TRIO: variants seen among roughly 807,000 people sequenced by gnomAD.
TRIO encodes the protein triple functional domain protein.
In TRIO, 58 loss-of-function variants were observed where a neutral mutation model predicts 351.9. The ratio of observed to expected loss-of-function variants is 0.16; its 90% CI spans 0.13 to 0.21. The LOEUF (loss-of-function observed/expected upper bound fraction) is 0.21. TRIO is among the 10% of genes least tolerant of loss of function. The probability of loss-of-function intolerance (pLI) is 1.00; values close to 1 mark genes in which losing one functional copy is unlikely to be tolerated. For missense variants in TRIO, 3,201 were observed against 4,027.8 expected (o/e 0.79, Z 5.56); for synonymous variants, 1,758 against 1,595.7 (o/e 1.10, Z -2.42).
At chr5:14,247,750 A>G (rs1794517213) in intron 1 of TRIO, among the ~76,000 whole-genome samples, 2 of 152,194 alleles carry the variant, frequency 1.3e-5, no homozygotes, top group South Asian at 2.1e-4. Flanking sequence ...TATAAATTAA[A>G]TATAGAGAGG....
At chr5:14,466,891 C>T (rs1754300416) in intron 37 of TRIO, among the ~76,000 whole-genome samples, 1 of 152,180 alleles carries the variant, frequency 6.6e-6, no homozygotes, top group Non-Finnish European at 1.5e-5. Flanking sequence ...GTATAGTATT[C>T]CTCTACATGG....
intron 1 of TRIO, among the ~76,000 whole-genome samples, chr5:14,159,364 T>C (rs1788294728): frequency 6.6e-6 from 1 of 151,356 alleles, no homozygotes; most frequent in South Asian, 2.1e-4. Flanking sequence ...TCCCTGTAGA[T>C]TGTTTCAGTC....
intron 38 of TRIO, among the ~76,000 whole-genome samples, 199 bp downstream of exon 38, chr5:14,471,665 TTTGTA>T (rs1448736204): frequency 1.3e-5 from 2 of 152,200 alleles, no homozygotes; most frequent in African/African-American, 4.8e-5. Context: ...TCTTGTTTTA[TTTGTA>T]TATGATACTT....
At chr5:14,452,207 T>G (rs747459874) in intron 34 of TRIO, among the ~76,000 whole-genome samples, 2 of 152,230 alleles carry the variant, frequency 1.3e-5, no homozygotes, top group Non-Finnish European at 2.9e-5. Flanking sequence ...GCCCCAGCTC[T>G]TCTTCCCACT....
intron 47 of TRIO, 48 bp from the exon 48 acceptor site, chr5:14,487,416 T>G: frequency 9.2e-7 from 1 of 1,090,658 alleles, no homozygotes; most frequent in Non-Finnish European, 1.1e-6. Flanking sequence ...CCCCGCGGCG[T>G]GCTCCTTGGC....
rs151138656 is a variant in TRIO, at chr5:14,366,985, G to A, written c.2874+6G>A. ...AGTTCCAGCATGCCATTGAGGTAAG[G>A]GCGCTGGGCCTGCCTGTGTGTTGGC... On this transcript the variant is annotated splice_donor_region_variant and intron_variant, in intron 16 of 56. Transcript: ENST00000344204. 203 of 1,614,026 alleles carry A rather than the reference G, an allele frequency of 1.3e-4. 2 individuals carry two copies. In the African/African-American group the frequency reaches 2.2e-3, roughly 18 times the overall value.
At chr5:14,290,456 C>T (rs1027698777) in intron 4 of TRIO, among the ~76,000 whole-genome samples, 1 of 152,186 alleles carries the variant, frequency 6.6e-6, no homozygotes, top group African/African-American at 2.4e-5. Context: ...TTCTTTAGCT[C>T]TCATGAAATA....
Position 14,358,280 on chromosome 5 carries a change from C to G in TRIO, c.2149C>G (p.Gln717Glu), listed in dbSNP as rs1743822462. 1 of 1,614,192 alleles carries G rather than the reference C, an allele frequency of 6.2e-7. No homozygotes were observed. Among genetic ancestry groups the G allele is most frequent in the Admixed American group, 1.7e-5 (1 of 60,026 alleles). ...CCTCATCAAGCGCTTTGGCCAGCAG[C>G]AGCAGACCACCCTGCAGGTGACTGT... is the stretch of plus-strand genomic sequence containing the variant. ...QDLIKRFGQQ[Q>E]QTTLQVTVNV... Residue 717 changes from glutamine to glutamate, a missense_variant, in exon 12 of 57, where the codon CAG becomes GAG. Transcript: ENST00000344204.
In TRIO at chr5:14,508,508, T is replaced by G; in HGVS notation, c.*86T>G. 6.9e-7 allele frequency: 1 copy of G among 1,459,792 alleles called. No individual in the cohort carries two copies. Among genetic ancestry groups the G allele is most frequent in the East Asian group, 2.3e-5 (1 of 43,888 alleles). The allele number at this position is 1,459,792 out of a possible 1,614,324, so 90.4% of individuals were successfully genotyped here. On this transcript the variant is annotated 3_prime_UTR_variant, in exon 57 of 57. Coordinates refer to ENST00000344204, the MANE Select transcript of TRIO (RefSeq NM_007118.4). The stretch of plus-strand genomic sequence containing the variant: ...TCAAGAGAAAACAAGCAAACATAAC[T>G]GATCAGCTGCCGGTATGTTCATCGT...
chr5:14,284,528 C>T (rs541270433), intron 3 of TRIO, among the ~76,000 whole-genome samples: 2 of 152,138 alleles, frequency 1.3e-5, no homozygotes, highest in African/African-American at 2.4e-5. Context: ...CAGAGGAAGG[C>T]GAATAGTTAA....
intron 1 of TRIO, among the ~76,000 whole-genome samples, chr5:14,207,389 TACACACACACACACACAC>T (rs70964544): frequency 8.5e-5 from 1 of 11,724 alleles, no homozygotes; most frequent in Admixed American, 1.1e-3. Flanking sequence ...CAAGACTGTC[TACACACACACACACACAC>T]ACACACACAC....
At chr5:14,219,935 TAA>T (rs1472069712) in intron 1 of TRIO, among the ~76,000 whole-genome samples, 8 of 150,638 alleles carry the variant, frequency 5.3e-5, no homozygotes, top group Non-Finnish European at 8.9e-5. Flanking sequence ...TGTGAGTCTC[TAA>T]AGTCAGTATA....
At chr5:14,176,516 C>T (rs1789416873) in intron 1 of TRIO, among the ~76,000 whole-genome samples, 1 of 152,076 alleles carries the variant, frequency 6.6e-6, no homozygotes, top group African/African-American at 2.4e-5. Context: ...GCTGGAGGCA[C>T]AGTCACTGCT....
intron 34 of TRIO, among the ~76,000 whole-genome samples, chr5:14,431,175 G>T (rs964817730): frequency 6.6e-6 from 1 of 152,168 alleles, no homozygotes; most frequent in African/African-American, 2.4e-5. Flanking sequence ...ACATCCTCAC[G>T]CCCCTTTCTG....
At chr5:14,234,058 G>A (rs1433797153) in intron 1 of TRIO, among the ~76,000 whole-genome samples, 9 of 152,156 alleles carry the variant, frequency 5.9e-5, no homozygotes, top group Non-Finnish European at 2.9e-5. Flanking sequence ...GGCCTCCCAA[G>A]GTGCTGAGAT....
At position 14,297,213 on chromosome 5, in the gene TRIO, C is replaced by T. The variant is rs1401791837; in HGVS notation, c.1318C>T (p.Arg440Trp). Residue 440 changes from arginine (R) to tryptophan (W), a missense_variant, in exon 7 of 57, where the codon CGG becomes TGG. Transcript: ENST00000344204. The part of the protein sequence containing the change: ...WKAFAAALDE[R>W]STLLDMSSIF... ...GGCGTTTGCGGCAGCCCTGGATGAG[C>T]GGAGCACCTTGCTGGACATGTCCTC... 4 of 1,614,036 alleles carry T rather than the reference C, an allele frequency of 2.5e-6. No individual in the cohort carries two copies. Among genetic ancestry groups the T allele is most frequent in the African/African-American group, 1.3e-5 (1 of 74,922 alleles).
intron 8 of TRIO, among the ~76,000 whole-genome samples, chr5:14,314,525 A>G (rs1739210039): frequency 1.3e-5 from 2 of 151,444 alleles, no homozygotes; most frequent in Non-Finnish European, 2.9e-5. Context: ...AAAGTTCCAA[A>G]GAAAACCAAA....
At chr5:14,489,076 G>C (rs1438409274) in intron 48 of TRIO, 1 of 765,120 alleles carries the variant, frequency 1.3e-6, no homozygotes, top group Non-Finnish European at 2.4e-6. Flanking sequence ...ATGCGTGAGT[G>C]AATAGAACTG....
chr5:14,481,134 T>G (rs529761012), intron 43 of TRIO, 100 bp from the exon 44 acceptor site: 1 of 1,303,670 alleles, frequency 7.7e-7, no homozygotes, highest in Non-Finnish European at 1.1e-6. Context: ...AAGACCAGCT[T>G]GAGTAACATA....
Sources: gnomAD v4.1 joint callset for allele counts (sites outside exome capture counted in the v4.1 genomes callset) on GRCh38, gnomAD v4.1.1 for gene constraint, MANE v1.5 for transcripts, NCBI Gene and HGNC (gene_info 2026-07-23, HGNC 2026-07-21) for gene names.